STK32B: variants seen among roughly 807,000 people sequenced by gnomAD.
STK32B encodes the protein serine/threonine-protein kinase 32B.
Under a neutral mutation model 52.6 loss-of-function variants are expected in STK32B, and 43 were observed. That is an observed-to-expected ratio of 0.82 (90% CI 0.64 to 1.05). The LOEUF (loss-of-function observed/expected upper bound fraction) is 1.05, where lower values mean the gene tolerates loss of function less well. Ranked by LOEUF, STK32B falls within the 50% of genes least tolerant of loss-of-function variation. STK32B has a pLI of 0.00. For synonymous variants in STK32B, 238 were observed against 204.3 expected (o/e 1.17, Z -1.41); for missense variants, 621 against 534.6 (o/e 1.16, Z -1.59).
At chr4:5,415,270 C>T (rs565271745) in intron 5 of STK32B, among the ~76,000 whole-genome samples, 4 of 152,138 alleles carry the variant, frequency 2.6e-5, no homozygotes, top group African/African-American at 7.2e-5. Context: ...CTGATTTCTG[C>T]GACAGCCTTC....
At chr4:5,232,878 T>C (rs143417880) in intron 3 of STK32B, among the ~76,000 whole-genome samples, 325 of 152,190 alleles carry the variant, frequency 2.1e-3, no homozygotes, top group African/African-American at 7.4e-3. Context: ...CAGCAGGATA[T>C]TGAGGTGGGA....
intron 8 of STK32B, among the ~76,000 whole-genome samples, chr4:5,458,380 A>G (rs903236278): frequency 6.6e-6 from 1 of 152,196 alleles, no homozygotes; most frequent in African/African-American, 2.4e-5. Flanking sequence ...GTTCTGGGCC[A>G]TACGATGGCT....
rs3077842 is a variant in STK32B, at chr4:5,163,538, CTGTGTGTGTGTGTGTGTGTGTGTGTGTG to C, written c.109-4745_109-4718del. 4.8e-3 allele frequency among the ~76,000 whole-genome samples: 673 copies of C among 139,442 alleles called. 14 individuals are homozygous for C. In the East Asian group the frequency reaches 0.049, roughly 10 times the overall value. 91.5% of individuals were successfully genotyped at this position (139,442 alleles called of 152,430 possible). A position where few individuals can be genotyped will look rare whatever the true frequency, so the allele number is the denominator to read the frequency against. On this transcript the variant is annotated intron_variant, in intron 2 of 11. Transcript: ENST00000282908. ...TAAAGAGTTTGAGATAGAGTGAAGG[CTGTGTGTGTGTGTGTGTGTGTGTGTGTG>C]TGTGTGTGTGTGTGTAAGAGAGAGA... is the stretch of plus-strand genomic sequence containing the variant.
chr4:5,081,771 C>G (rs1032077142), intron 1 of STK32B, among the ~76,000 whole-genome samples: 7 of 151,978 alleles, frequency 4.6e-5, no homozygotes, highest in African/African-American at 1.7e-4. Flanking sequence ...AGTTTTTGTT[C>G]ATGTATTGTT....
chr4:5,391,599 C>T (rs563674752), intron 4 of STK32B, among the ~76,000 whole-genome samples: 10 of 152,184 alleles, frequency 6.6e-5, no homozygotes, highest in African/African-American at 2.2e-4. Context: ...AGGGAAAGAC[C>T]GAGGCACCCA....
At chr4:5,037,288 A>G in the STK32B span, among the ~76,000 whole-genome samples, 1 of 152,140 alleles carries the variant, frequency 6.6e-6, no homozygotes, top group African/African-American at 2.4e-5. Flanking sequence ...CAACAGCAAT[A>G]TTTCTCATGC....
intron 4 of STK32B, among the ~76,000 whole-genome samples, chr4:5,371,255 GC>G (rs1369973772): frequency 6.6e-6 from 1 of 152,084 alleles, no homozygotes; most frequent in East Asian, 1.9e-4. Context: ...AAGGTAGGGA[GC>G]TTCTTGATAA....
At chr4:5,246,037 G>A (rs1021978696) in intron 3 of STK32B, among the ~76,000 whole-genome samples, 2 of 152,104 alleles carry the variant, frequency 1.3e-5, no homozygotes, top group Non-Finnish European at 2.9e-5. Context: ...TGGTGAATCT[G>A]ACAATTATGT....
chr4:5,125,364 A>G (rs149994247), intron 1 of STK32B, among the ~76,000 whole-genome samples: 4 of 152,322 alleles, frequency 2.6e-5, no homozygotes, highest in African/African-American at 9.6e-5. Flanking sequence ...AAGCTTTCCT[A>G]TGTGTGGCCT....
intron 7 of STK32B, among the ~76,000 whole-genome samples, chr4:5,448,621 A>G (rs951564106): frequency 2.0e-5 from 3 of 152,078 alleles, no homozygotes; most frequent in African/African-American, 7.2e-5. Flanking sequence ...CAAATAAACT[A>G]TTTTATTTTA....
At chr4:5,373,268 C>G (rs1466395069) in intron 4 of STK32B, among the ~76,000 whole-genome samples, 1 of 152,074 alleles carries the variant, frequency 6.6e-6, no homozygotes, top group Non-Finnish European at 1.5e-5. Flanking sequence ...GGAATTGGCT[C>G]AGATGACTGT....
At chr4:5,305,364 A>C (rs1478940406) in intron 3 of STK32B, among the ~76,000 whole-genome samples, 1 of 151,768 alleles carries the variant, frequency 6.6e-6, no homozygotes, top group East Asian at 1.9e-4. Context: ...TTTCAATCTC[A>C]CTATGTGTTA....
At chr4:5,458,844 G>A (rs1456481162) in intron 8 of STK32B, 1 of 152,156 alleles carries the variant, frequency 6.6e-6, no homozygotes, top group Non-Finnish European at 1.5e-5. Flanking sequence ...GGCAATCAAT[G>A]GCATGACAGG....
At chr4:5,187,637 G>A (rs920628276) in intron 3 of STK32B, among the ~76,000 whole-genome samples, 4 of 152,090 alleles carry the variant, frequency 2.6e-5, no homozygotes, top group Non-Finnish European at 4.4e-5. Flanking sequence ...GGGGGGACAA[G>A]CCCTGTTTGC....
chr4:5,377,107 C>G (rs935699134), intron 4 of STK32B, among the ~76,000 whole-genome samples: 2 of 152,148 alleles, frequency 1.3e-5, no homozygotes, highest in East Asian at 3.9e-4. Context: ...CTGCAGTGCT[C>G]TATCTATGGC....
intron 7 of STK32B, among the ~76,000 whole-genome samples, chr4:5,454,984 G>A (rs779970410): frequency 7.9e-5 from 12 of 152,144 alleles, no homozygotes; most frequent in African/African-American, 1.4e-4. Context: ...GAGAGCCCAC[G>A]GGTTTTGGTT....
chr4:5,174,045 C>A (rs1373333505), intron 3 of STK32B, among the ~76,000 whole-genome samples: 1 of 152,110 alleles, frequency 6.6e-6, no homozygotes, highest in African/African-American at 2.4e-5. Context: ...GATCCCTTTA[C>A]CATTATGTAA....
At chr4:5,152,327 A>G (rs941583802) in intron 2 of STK32B, among the ~76,000 whole-genome samples, 11 of 152,212 alleles carry the variant, frequency 7.2e-5, no homozygotes, top group African/African-American at 2.7e-4. Flanking sequence ...CAGGCTTGAC[A>G]CTTGCTTCCT....
intron 3 of STK32B, among the ~76,000 whole-genome samples, chr4:5,263,534 T>TC (rs2108847699): frequency 6.6e-6 from 1 of 152,284 alleles, no homozygotes; most frequent in Admixed American, 6.5e-5. Flanking sequence ...AGAACTCAGC[T>TC]CCATCCACCT....
Sources: gnomAD v4.1 joint callset for allele counts (sites outside exome capture counted in the v4.1 genomes callset) on GRCh38, gnomAD v4.1.1 for gene constraint, MANE v1.5 for transcripts, NCBI Gene and HGNC (gene_info 2026-07-23, HGNC 2026-07-21) for gene names.